FBN3: variants seen among roughly 807,000 people sequenced by gnomAD.
FBN3 encodes the protein fibrillin-3.
In FBN3, 234 loss-of-function variants were observed where a neutral mutation model predicts 330.1. That is an observed-to-expected ratio of 0.71 (90% CI 0.64 to 0.79). The LOEUF (loss-of-function observed/expected upper bound fraction) is 0.79, where lower values mean the gene tolerates loss of function less well. Among genes scored for constraint, FBN3 ranks in the 30% least tolerant of loss-of-function variants. FBN3 has a pLI of 0.00. For synonymous variants in FBN3, 1,458 were observed against 1,517.3 expected (o/e 0.96, Z 0.91); for missense variants, 3,606 against 3,886.9 (o/e 0.93, Z 1.92).
In FBN3 at chr19:8,131,167, A is replaced by G; in HGVS notation, c.2044+68T>C. Reference sequence around the variant, plus strand: ...CCCGGGCCAACTCCTACAGCCTCCCACCACAGCTCTCCCCACATCTGGTAG... The same window carrying G: ...CCCGGGCCAACTCCTACAGCCTCCCGCCACAGCTCTCCCCACATCTGGTAG... On this transcript the variant is annotated intron_variant, in intron 16 of 63. Transcript: ENST00000600128. The surrounding 1 kb of genome is among the most constrained non-coding windows in gnomAD (Gnocchi z 4.5). The G allele has an allele frequency of 2.0e-6, 3 of 1,498,286 alleles. No homozygotes were observed. The allele number at this position is 1,498,286 out of a possible 1,614,324, so 92.8% of individuals were successfully genotyped here. A position where few individuals can be genotyped will look rare whatever the true frequency, so the allele number is the denominator to read the frequency against.
intron 47 of FBN3, among the ~76,000 whole-genome samples, chr19:8,092,585 G>A (rs2082119451): frequency 1.3e-5 from 2 of 151,560 alleles, no homozygotes; most frequent in Non-Finnish European, 2.9e-5. Context: ...TTGTGGCGGG[G>A]CGCACCTGTA....
At chr19:8,073,702 G>A (rs2081575571) in intron 61 of FBN3, among the ~76,000 whole-genome samples, 1 of 152,168 alleles carries the variant, frequency 6.6e-6, no homozygotes, top group Non-Finnish European at 1.5e-5. Flanking sequence ...GTTTGGAGTT[G>A]GGAGTCTCAC....
At chr19:8,103,713 G>T in intron 38 of FBN3, 26 bp from the exon 39 acceptor site, 22 of 1,607,856 alleles carry the variant, frequency 1.4e-5, no homozygotes, top group Non-Finnish European at 1.8e-5. Flanking sequence ...GGGTGGAGGG[G>T]AACAGTGGGC....
intron 13 of FBN3, 26 bp downstream of exon 13, chr19:8,135,935 T>TGGGGGGGGGGGGGGGGGGCGCC: frequency 7.4e-7 from 1 of 1,344,156 alleles, no homozygotes; most frequent in Non-Finnish European, 1.0e-6. Flanking sequence ...CGGAAGCCCC[T>TGGGGGGGGGGGGGGGGGGCGCC]GCCCACCCGC....
intron 62 of FBN3, 31 bp downstream of exon 62, chr19:8,073,032 G>T: frequency 2.1e-6 from 3 of 1,411,814 alleles, no homozygotes; most frequent in Non-Finnish European, 3.0e-6. Context: ...TGCGGGGCAT[G>T]GAGTCTGCTT....
intron 62 of FBN3, 88 bp downstream of exon 62, chr19:8,072,975 G>GTA (rs1456060258): frequency 2.9e-6 from 2 of 691,658 alleles, no homozygotes; most frequent in Non-Finnish European, 4.8e-6. Context: ...CCGTGTGTGT[G>GTA]TGTGTGTGTG....
rs144765408 is a variant in FBN3 at position 8,090,254 on chromosome 19, G to T, written c.6032-3C>A. The T allele has an allele frequency of 2.0e-3, 3,221 of 1,613,796 alleles. 5 individuals are homozygous for T. The highest frequency in any genetic ancestry group is 2.5e-3 in the Non-Finnish European group (2,943 of 1,179,956). On this transcript the variant is annotated splice_polypyrimidine_tract_variant and splice_region_variant and intron_variant, in intron 48 of 63. Transcript: ENST00000600128. ...GAAGCAGAAACTCTGCCGTGTGTCTGTGGGGTGGGGGCTCCATTACCCTGA... is the reference window on the plus strand; with the variant it reads ...GAAGCAGAAACTCTGCCGTGTGTCTTTGGGGTGGGGGCTCCATTACCCTGA...
At chr19:8,100,478 C>A (rs920577395) in intron 41 of FBN3, among the ~76,000 whole-genome samples, 1 of 152,040 alleles carries the variant, frequency 6.6e-6, no homozygotes, top group African/African-American at 2.4e-5. Context: ...GCTGGGATTA[C>A]AGGCATGCAC....
chr19:8,130,059 G>A lies in FBN3; in HGVS notation c.2045-694C>T, dbSNP rs187393252. On this transcript the variant is annotated intron_variant, in intron 16 of 63. Transcript: ENST00000600128. ...ATTACAGCCGCCTGCCACCACGGCT[G>A]GCTAATTTTTCTATTTTTAGTAGAG... Among the ~76,000 whole-genome samples the A allele has an allele frequency of 9.2e-5, 14 of 152,048 alleles. No individual in the cohort carries two copies. In the East Asian group the frequency reaches 2.8e-3, roughly 30 times the overall value.
chr19:8,100,230 C>A (rs373770341), intron 41 of FBN3, among the ~76,000 whole-genome samples: 2 of 151,672 alleles, frequency 1.3e-5, no homozygotes, highest in East Asian at 1.9e-4. Flanking sequence ...TTCATGGGGA[C>A]AGAGTTTCAG....
chr19:8,123,756 A>G (rs1197159788), intron 23 of FBN3, 28 bp downstream of exon 23: 1 of 1,609,392 alleles, frequency 6.2e-7, no homozygotes, highest in Non-Finnish European at 8.5e-7. Flanking sequence ...CCATCCTTCC[A>G]GGGGCCTGAC....
intron 54 of FBN3, among the ~76,000 whole-genome samples, chr19:8,086,622 ATT>A (rs35364392): frequency 0.28 from 36,794 of 133,356 alleles, 5,399 homozygotes; most frequent in Middle Eastern, 0.39. Context: ...ACGCCCAGCT[ATT>A]TTTTTTTTTT....
At position 8,074,962 on chromosome 19, in the gene FBN3, T is replaced by C. The variant is rs1184964456; in HGVS notation, c.7702+109A>G. 4.9e-6 allele frequency: 7 copies of C among 1,431,736 alleles called. No homozygotes were observed. The African/African-American group carries it at 1.0e-4, about 20-fold the overall frequency. The allele number at this position is 1,431,736 out of a possible 1,614,324, so 88.7% of individuals were successfully genotyped here. On this transcript the variant is annotated intron_variant, in intron 61 of 63. Transcript: ENST00000600128. ...CCTTCTGGGCTGGCCTGTTCAATCTTTAGATAATTGTGCTTGTCACATCAT... is the reference window on the plus strand; with the variant it reads ...CCTTCTGGGCTGGCCTGTTCAATCTCTAGATAATTGTGCTTGTCACATCAT...
Position 8,103,596 on chromosome 19 carries a change from C to A in FBN3, c.4905G>T (p.Glu1635Asp), listed in dbSNP as rs747200553. ...LGNYTCVCPA[E>D]YLQVNGGNNC... is the part of the protein sequence containing the mutation. Reference sequence around the variant, plus strand: ...TGTTGCCACCATTGACTTGGAGGTACTCTGCAGGGCAGACACAGGTGTAGT... The same window carrying A: ...TGTTGCCACCATTGACTTGGAGGTAATCTGCAGGGCAGACACAGGTGTAGT... The change falls in exon 39 of 64, where the codon GAG (glutamate) becomes GAT (aspartate). Residue 1635 changes from glutamate to aspartate, a missense_variant. Physicochemically the swap from Glu to Asp is conservative, Grantham distance 45. Transcript: ENST00000600128. 1 of 1,613,734 alleles carries A rather than the reference C, an allele frequency of 6.2e-7. No individual in the cohort carries two copies. Among genetic ancestry groups the A allele is most frequent in the Non-Finnish European group, 8.5e-7 (1 of 1,179,778 alleles).
At chr19:8,076,801 C>G (rs2081653213) in intron 59 of FBN3, among the ~76,000 whole-genome samples, 1 of 151,802 alleles carries the variant, frequency 6.6e-6, no homozygotes, top group Non-Finnish European at 1.5e-5. Context: ...TCATTCTGTC[C>G]CCTGGGCTGG....
chr19:8,127,330 GGATTATAGGCGT>G (rs1241651717), intron 18 of FBN3, among the ~76,000 whole-genome samples: 1 of 152,062 alleles, frequency 6.6e-6, no homozygotes, highest in African/African-American at 2.4e-5. Flanking sequence ...CAAAGTGCTG[GGATTATAGGCGT>G]GAGTCACTGC....
At chr19:8,101,640 G>A (rs2082329717) in intron 40 of FBN3, among the ~76,000 whole-genome samples, 1 of 151,828 alleles carries the variant, frequency 6.6e-6, no homozygotes, top group Admixed American at 6.6e-5. Flanking sequence ...TTCCTCCCTG[G>A]CCTGGGACAT....
Position 8,136,097 on chromosome 19 carries a change from G to A in FBN3, c.1466-11C>T. ...TGCACTCGTCCACATCTGCGGGGAA[G>A]GCAGGCGGGCAGTCAAGAGGTGCTC... On this transcript the variant is annotated splice_polypyrimidine_tract_variant and intron_variant, in intron 12 of 63. Coordinates refer to ENST00000600128, the MANE Select transcript of FBN3 (RefSeq NM_032447.5). 6.2e-7 allele frequency: 1 copy of A among 1,613,518 alleles called. No individual in the cohort carries two copies. Among genetic ancestry groups the A allele is most frequent in the South Asian group, 1.1e-5 (1 of 90,986 alleles).
At chr19:8,082,002 C>T (rs1364225781) in intron 57 of FBN3, among the ~76,000 whole-genome samples, 1 of 141,814 alleles carries the variant, frequency 7.1e-6, no homozygotes, top group South Asian at 2.5e-4. Flanking sequence ...CTCGTTTCAT[C>T]ACCCAGGCTG....
Sources: allele counts gnomAD v4.1 joint callset (sites outside exome capture counted in the v4.1 genomes callset), GRCh38; gene constraint gnomAD v4.1.1; non-coding constraint Gnocchi (gnomAD v3.1); transcripts MANE v1.5; gene names NCBI Gene and HGNC (gene_info 2026-07-23, HGNC 2026-07-21).